Variants in ESRRB observed in about 807,000 individuals in gnomAD.
The protein encoded by ESRRB is estrogen related receptor beta.
Under a neutral mutation model 46.0 loss-of-function variants are expected in ESRRB, and 16 were observed. The observed-to-expected ratio is 0.35, with a 90% CI of 0.24 to 0.53. ESRRB has a LOEUF of 0.53. Ranked by LOEUF, ESRRB falls within the 20% of genes least tolerant of loss-of-function variation. ESRRB has a pLI of 0.93. For missense variants in ESRRB, 488 were observed against 607.4 expected (o/e 0.80, Z 2.07); for synonymous variants, 246 against 259.6 (o/e 0.95, Z 0.50).
chr14:76,429,451 A>C (rs1014402899), intron 1 of ESRRB, among the ~76,000 whole-genome samples: 1 of 152,196 alleles, frequency 6.6e-6, no homozygotes, highest in African/African-American at 2.4e-5. Flanking sequence ...ACCATCTATT[A>C]ATAAAATAGG....
At chr14:76,415,063 G>A (rs1231693248) in intron 1 of ESRRB, among the ~76,000 whole-genome samples, 4 of 152,216 alleles carry the variant, frequency 2.6e-5, no homozygotes, top group Non-Finnish European at 4.4e-5. Flanking sequence ...ACTTCTCAGG[G>A]TGCTGTGGGG....
intron 1 of ESRRB, among the ~76,000 whole-genome samples, chr14:76,422,163 A>C (rs1283605466): frequency 2.7e-5 from 4 of 150,600 alleles, no homozygotes; most frequent in Non-Finnish European, 5.9e-5. Context: ...TCTCCCTTAC[A>C]GAATGTGGGC....
chr14:76,397,731 C>A (rs529548367), intron 1 of ESRRB, among the ~76,000 whole-genome samples: 3 of 152,048 alleles, frequency 2.0e-5, no homozygotes, highest in African/African-American at 7.3e-5. Flanking sequence ...GTAGCGAGAC[C>A]TTGTCTCTAT....
At chr14:76,445,171 T>TA (rs369315496) in intron 2 of ESRRB, among the ~76,000 whole-genome samples, 10,897 of 119,982 alleles carry the variant, frequency 0.091, 1,043 homozygotes, top group African/African-American at 0.25. Context: ...GGAGTTTCTT[T>TA]AAAAAAAAAA....
At chr14:76,389,257 C>T (rs76447618) in intron 1 of ESRRB, among the ~76,000 whole-genome samples, 54 of 152,284 alleles carry the variant, frequency 3.5e-4, no homozygotes, top group African/African-American at 1.0e-3. Flanking sequence ...CTGACTTCTC[C>T]CTGGGGGAAT....
intron 1 of ESRRB, among the ~76,000 whole-genome samples, chr14:76,426,653 C>T (rs1887214233): frequency 6.6e-6 from 1 of 152,066 alleles, no homozygotes; most frequent in Non-Finnish European, 1.5e-5. Flanking sequence ...ATTGTCTCTC[C>T]TTGAGGACAG....
At chr14:76,352,553 C>T (rs1884326699) in intron 1 of ESRRB, among the ~76,000 whole-genome samples, 1 of 152,224 alleles carries the variant, frequency 6.6e-6, no homozygotes, top group Non-Finnish European at 1.5e-5. Context: ...GGCACAGGCC[C>T]TGGAGCCAGA....
At chr14:76,336,552 C>G (rs1225429630) in intron 1 of ESRRB, among the ~76,000 whole-genome samples, 1 of 152,212 alleles carries the variant, frequency 6.6e-6, no homozygotes, top group Non-Finnish European at 1.5e-5. Context: ...CCCTGACACC[C>G]TCTTCATGGC....
chr14:76,404,370 A>G (rs575685091), intron 1 of ESRRB: 54 of 150,080 alleles, frequency 3.6e-4, no homozygotes, highest in African/African-American at 1.2e-3. Flanking sequence ...TATATAATAT[A>G]ATTAATTATC....
At chr14:76,415,260 A>G (rs781593397) in intron 1 of ESRRB, among the ~76,000 whole-genome samples, 1 of 152,218 alleles carries the variant, frequency 6.6e-6, no homozygotes, top group Non-Finnish European at 1.5e-5. Flanking sequence ...AAGACAAAAT[A>G]CCTTGTACAA....
At chr14:76,434,163 G>A (rs894177267) in intron 1 of ESRRB, among the ~76,000 whole-genome samples, 2 of 152,040 alleles carry the variant, frequency 1.3e-5, no homozygotes, top group African/African-American at 4.8e-5. Context: ...TTTTTCATTC[G>A]AATGAATGAA....
At chr14:76,340,323 G>C (rs982342109) in intron 1 of ESRRB, among the ~76,000 whole-genome samples, 1 of 152,180 alleles carries the variant, frequency 6.6e-6, no homozygotes, top group Non-Finnish European at 1.5e-5. Context: ...CTGTGCCCCC[G>C]GCCCATGCTC....
chr14:76,489,472 C>CACACACACACACAG (rs1377692816), intron 5 of ESRRB, among the ~76,000 whole-genome samples: 13 of 151,730 alleles, frequency 8.6e-5, no homozygotes, highest in Admixed American at 3.3e-4. Context: ...CACACACACA[C>CACACACACACACAG]ACACACACCC....
At chr14:76,354,479 A>T (rs896680264) in intron 1 of ESRRB, among the ~76,000 whole-genome samples, 1 of 151,956 alleles carries the variant, frequency 6.6e-6, no homozygotes, top group African/African-American at 2.4e-5. Context: ...GGACAAGTGC[A>T]TTAGTCCCAT....
intron 1 of ESRRB, among the ~76,000 whole-genome samples, chr14:76,314,327 G>A (rs1883772161): frequency 6.6e-6 from 1 of 152,118 alleles, no homozygotes; most frequent in African/African-American, 2.4e-5. Context: ...TCCCCCTACA[G>A]CTGATGCACC....
At chr14:76,371,255 C>A (rs1303082458), upstream of ESRRB, 3 of 152,206 alleles carry the variant, frequency 2.0e-5, no homozygotes, top group Non-Finnish European at 4.4e-5. Flanking sequence ...TCCTTGGGAC[C>A]AGTGCCAGCC....
intron 1 of ESRRB, among the ~76,000 whole-genome samples, chr14:76,436,379 C>T (rs1887674992): frequency 6.6e-6 from 1 of 152,214 alleles, no homozygotes; most frequent in African/African-American, 2.4e-5. Flanking sequence ...ATCATCGCTG[C>T]TGTAATTACT....
At chr14:76,339,514 C>A (rs1300277738) in intron 1 of ESRRB, among the ~76,000 whole-genome samples, 1 of 152,226 alleles carries the variant, frequency 6.6e-6, no homozygotes, top group East Asian at 1.9e-4. Context: ...TGTGTGTATT[C>A]ATACCCACCC....
chr14:76,468,589 G>A (rs191750056), intron 3 of ESRRB, among the ~76,000 whole-genome samples: 225 of 152,160 alleles, frequency 1.5e-3, no homozygotes, highest in African/African-American at 5.1e-3. Context: ...GCAGGCTTTT[G>A]GATAACGGTA....
Sources: allele counts gnomAD v4.1 joint callset (sites outside exome capture counted in the v4.1 genomes callset), GRCh38; gene constraint gnomAD v4.1.1; transcripts MANE v1.5; gene names NCBI Gene and HGNC (gene_info 2026-07-23, HGNC 2026-07-21).